ARHGAP42: variants seen among roughly 807,000 people sequenced by gnomAD.
ARHGAP42 encodes the protein Rho GTPase activating protein 42, also known as rho GTPase-activating protein 42.
ARHGAP42 carries 63 observed loss-of-function variants against 125.0 expected under a neutral mutation model. The ratio of observed to expected loss-of-function variants is 0.50; its 90% CI spans 0.41 to 0.62. The LOEUF is 0.62. Among genes scored for constraint, ARHGAP42 ranks in the 20% least tolerant of loss-of-function variants. The pLI is 0.00. For synonymous variants in ARHGAP42, 339 were observed against 351.0 expected (o/e 0.97, Z 0.38); for missense variants, 766 against 1,024.2 (o/e 0.75, Z 3.44).
chr11:100,699,519 T>A (rs1312660370), intron 1 of ARHGAP42, among the ~76,000 whole-genome samples: 752 of 89,696 alleles, frequency 8.4e-3, no homozygotes, highest in Middle Eastern at 0.016. Flanking sequence ...TTTTTTTTTT[T>A]TTTTTTTTTT....
intron 3 of ARHGAP42, among the ~76,000 whole-genome samples, chr11:100,796,798 C>A (rs189890209): frequency 1.5e-5 from 2 of 132,934 alleles, no homozygotes; most frequent in African/African-American, 5.7e-5. Context: ...CAGACAGAGT[C>A]TCACTCTGTC....
At position 100,750,933 on chromosome 11, in the gene ARHGAP42, A is replaced by G. The variant is rs190979048; in HGVS notation, c.155-19410A>G. The stretch of plus-strand genomic sequence containing the variant: ...AGCTTTCTTCATTCTTCCTTGATGT[A>G]TACTTTTTTTTTTTTTTTTTTTGAG... On this transcript the variant is annotated intron_variant, in intron 1 of 23. Transcript: ENST00000298815. Among the ~76,000 whole-genome samples the G allele has an allele frequency of 2.7e-3, 384 of 142,052 alleles. 1 individual carries two copies. Among genetic ancestry groups the G allele is most frequent in the African/African-American group, 8.3e-3 (312 of 37,452 alleles). The allele number at this position is 142,052 out of a possible 152,430, so 93.2% of individuals were successfully genotyped here. A position where few individuals can be genotyped will look rare whatever the true frequency, so the allele number is the denominator to read the frequency against.
At chr11:100,913,765 G>A (rs1866991154) in intron 5 of ARHGAP42, among the ~76,000 whole-genome samples, 2 of 151,750 alleles carry the variant, frequency 1.3e-5, no homozygotes, top group African/African-American at 4.8e-5. Flanking sequence ...CAATGAGAAA[G>A]GTTGAAACAA....
intron 23 of ARHGAP42, 64 bp from the exon 24 acceptor site, chr11:100,988,649 T>A: frequency 1.0e-5 from 14 of 1,343,882 alleles, no homozygotes; most frequent in Non-Finnish European, 1.4e-5. Flanking sequence ...GTTTAACCCA[T>A]CTGTTTATAT....
intron 3 of ARHGAP42, among the ~76,000 whole-genome samples, chr11:100,826,844 G>A (rs1208988823): frequency 6.6e-6 from 1 of 152,004 alleles, no homozygotes; most frequent in African/African-American, 2.4e-5. Flanking sequence ...CTATACAGAA[G>A]GGAGTTACCA....
chr11:100,987,572 A>G lies in ARHGAP42; in HGVS notation c.2516A>G (p.Gln839Arg). 6.4e-7 allele frequency: 1 copy of G among 1,551,676 alleles called. No individual in the cohort carries two copies. Among genetic ancestry groups the G allele is most frequent in the Non-Finnish European group, 8.7e-7 (1 of 1,146,872 alleles). ...AEHSHELSFP[Q>R]GAIFSNVYPS... Reference sequence around the variant, plus strand: ...CACAGTCATGAGCTTTCCTTCCCACAAGGAGCAATATTTTCTAATGGTAAG... The same window carrying G: ...CACAGTCATGAGCTTTCCTTCCCACGAGGAGCAATATTTTCTAATGGTAAG... Residue 839 changes from glutamine to arginine, a missense_variant, in exon 23 of 24, where the codon CAA becomes CGA. Gln to Arg is a conservative substitution (Grantham distance 43, BLOSUM62 1). Transcript: ENST00000298815.
intron 3 of ARHGAP42, among the ~76,000 whole-genome samples, chr11:100,820,696 C>T (rs931517618): frequency 6.6e-6 from 1 of 151,886 alleles, no homozygotes; most frequent in African/African-American, 2.4e-5. Context: ...ATTTATACCT[C>T]TCTATATAAA....
chr11:100,856,484 C>G (rs1219708356), intron 3 of ARHGAP42, among the ~76,000 whole-genome samples: 1 of 151,994 alleles, frequency 6.6e-6, no homozygotes, highest in African/African-American at 2.4e-5. Context: ...GTTTGTAAAT[C>G]CACTTAGTGC....
intron 9 of ARHGAP42, among the ~76,000 whole-genome samples, chr11:100,942,376 C>T (rs951168861): frequency 3.9e-5 from 6 of 152,132 alleles, no homozygotes; most frequent in East Asian, 1.9e-4. Context: ...TGCTCATTTA[C>T]CCGAAAAGTA....
At chr11:100,704,217 T>TA (rs1861442656) in intron 1 of ARHGAP42, among the ~76,000 whole-genome samples, 1 of 152,078 alleles carries the variant, frequency 6.6e-6, no homozygotes, top group African/African-American at 2.4e-5. Flanking sequence ...GATGGTGCCC[T>TA]AAAAACAAAA....
intron 1 of ARHGAP42, among the ~76,000 whole-genome samples, chr11:100,741,603 G>T (rs1290297581): frequency 1.3e-5 from 2 of 152,076 alleles, no homozygotes; most frequent in African/African-American, 4.8e-5. Context: ...AGTTACTAAG[G>T]ATCTAAATTA....
chr11:100,801,987 T>C (rs1465280422), intron 3 of ARHGAP42, among the ~76,000 whole-genome samples: 1 of 152,198 alleles, frequency 6.6e-6, no homozygotes, highest in Non-Finnish European at 1.5e-5. Context: ...CTAGAATTTT[T>C]CCACATAAAA....
chr11:100,820,257 G>A (rs1230802435), intron 3 of ARHGAP42, among the ~76,000 whole-genome samples: 1 of 152,136 alleles, frequency 6.6e-6, no homozygotes, highest in Non-Finnish European at 1.5e-5. Flanking sequence ...TAGTTCTGAA[G>A]TGGGGGTAGT....
chr11:100,726,585 A>C (rs996389691), intron 1 of ARHGAP42, among the ~76,000 whole-genome samples: 1 of 152,234 alleles, frequency 6.6e-6, no homozygotes, highest in Non-Finnish European at 1.5e-5. Context: ...AAAGGACGAA[A>C]ACTTATTTTA....
intron 1 of ARHGAP42, among the ~76,000 whole-genome samples, chr11:100,728,714 G>GTATATATATA (rs57293905): frequency 2.8e-5 from 2 of 70,406 alleles, no homozygotes; most frequent in African/African-American, 6.5e-5. Flanking sequence ...ATGACTTTGC[G>GTATATATATA]TATATATATA....
intron 1 of ARHGAP42, among the ~76,000 whole-genome samples, chr11:100,735,486 CTT>C (rs943459633): frequency 8.6e-5 from 13 of 151,352 alleles, no homozygotes; most frequent in African/African-American, 3.2e-4. Flanking sequence ...TAGGAAATCA[CTT>C]TAAGTCATCT....
rs918901449 is a variant in ARHGAP42 at position 100,802,996 on chromosome 11, C to A, written c.312+7830C>A. ...ACATTATAACAGAAATACCTGCGCT[C>A]ATGAAGCTTGCATTCTAAGGGGAAG... is the stretch of plus-strand genomic sequence containing the variant. On this transcript the variant is annotated intron_variant, in intron 3 of 23. Transcript: ENST00000298815. Among the ~76,000 whole-genome samples, 3 of 152,164 alleles carry A rather than the reference C, an allele frequency of 2.0e-5. No homozygotes were observed. In the South Asian group the frequency reaches 6.2e-4, roughly 32 times the overall value.
intron 3 of ARHGAP42, among the ~76,000 whole-genome samples, chr11:100,815,618 A>G (rs1864249906): frequency 2.0e-5 from 3 of 152,202 alleles, no homozygotes; most frequent in Admixed American, 1.3e-4. Context: ...AAGTGACATT[A>G]AATATTAACA....
chr11:100,944,365 A>G (rs1001370641), intron 10 of ARHGAP42, among the ~76,000 whole-genome samples: 4 of 152,106 alleles, frequency 2.6e-5, no homozygotes, highest in Non-Finnish European at 5.9e-5. Flanking sequence ...AAGAGATATA[A>G]ATGTCGTGAA....
Sources: allele counts gnomAD v4.1 joint callset (sites outside exome capture counted in the v4.1 genomes callset), GRCh38; gene constraint gnomAD v4.1.1; transcripts MANE v1.5; gene names NCBI Gene and HGNC (gene_info 2026-07-23, HGNC 2026-07-21).